The following ST8SIA4 variants were observed in gnomAD, a reference collection of about 807,000 sequenced individuals.
ST8SIA4 encodes the protein CMP-N-acetylneuraminate-poly-alpha-2,8-sialyltransferase.
ST8SIA4 carries 15 observed loss-of-function variants against 33.9 expected under a neutral mutation model. The ratio of observed to expected loss-of-function variants is 0.44; its 90% CI spans 0.30 to 0.68. ST8SIA4 has a LOEUF of 0.68. ST8SIA4 is among the 30% of genes least tolerant of loss of function. The pLI, the probability that ST8SIA4 is intolerant of heterozygous loss-of-function variation, is 0.10. For synonymous variants in ST8SIA4, 171 were observed against 151.2 expected (o/e 1.13, Z -0.96); for missense variants, 321 against 428.0 (o/e 0.75, Z 2.21).
At chr5:100,876,443 C>G (rs995419115) in intron 3 of ST8SIA4, among the ~76,000 whole-genome samples, 2 of 152,022 alleles carry the variant, frequency 1.3e-5, no homozygotes, top group African/African-American at 4.8e-5. Flanking sequence ...AATCATATGA[C>G]AAAATCTTAG....
At chr5:100,900,635 C>T (rs1365656475) in intron 1 of ST8SIA4, among the ~76,000 whole-genome samples, 1 of 152,108 alleles carries the variant, frequency 6.6e-6, no homozygotes, top group African/African-American at 2.4e-5. Context: ...GCAGTCAGGA[C>T]GCTACAGGGC....
At chr5:100,812,484 T>G (rs1022786356) in intron 4 of ST8SIA4, among the ~76,000 whole-genome samples, 15 of 152,178 alleles carry the variant, frequency 9.9e-5, no homozygotes, top group Non-Finnish European at 1.3e-4. Context: ...GAAGTCATGG[T>G]AATTGGGTAG....
intron 3 of ST8SIA4, among the ~76,000 whole-genome samples, chr5:100,868,739 CT>C (rs751139095): frequency 2.2e-4 from 34 of 152,180 alleles, no homozygotes; most frequent in Admixed American, 5.9e-4. Context: ...GAAACTGCCT[CT>C]TTTCCTCAGA....
chr5:100,891,099 G>T (rs1752650516), intron 2 of ST8SIA4, among the ~76,000 whole-genome samples: 1 of 151,868 alleles, frequency 6.6e-6, no homozygotes, highest in African/African-American at 2.4e-5. Flanking sequence ...TTCTCTGTGG[G>T]TTTCTTGGCA....
intron 3 of ST8SIA4, among the ~76,000 whole-genome samples, chr5:100,875,071 T>C (rs544138584): frequency 4.6e-5 from 7 of 152,280 alleles, no homozygotes; most frequent in African/African-American, 1.7e-4. Flanking sequence ...TAAAGAAGTG[T>C]TATGTAAGTT....
chr5:100,877,736 G>A (rs764111818), intron 3 of ST8SIA4, among the ~76,000 whole-genome samples: 8 of 152,250 alleles, frequency 5.3e-5, no homozygotes, highest in African/African-American at 9.6e-5. Context: ...ACACTTACAC[G>A]TGATTATGGA....
Position 100,811,919 on chromosome 5 carries a change from T to C in ST8SIA4, c.1008A>G (p.Glu336=), listed in dbSNP as rs778000605. Residue 336 remains glutamate (E), a synonymous_variant, in exon 5 of 5, where the codon GAA becomes GAG. Transcript: ENST00000231461. ...SNASPHRMPL[E]FKTLNVLHNR... ...TATGTAGCACATTTAATGTTTTGAATTCTAATGGCATTCTGTGAGGGCTTG... is the reference window on the plus strand; with the variant it reads ...TATGTAGCACATTTAATGTTTTGAACTCTAATGGCATTCTGTGAGGGCTTG... 6.2e-7 allele frequency: 1 copy of C among 1,614,152 alleles called. No homozygotes were observed. Among genetic ancestry groups the C allele is most frequent in the South Asian group, 1.1e-5 (1 of 91,086 alleles).
chr5:100,850,601 A>G lies in ST8SIA4; in HGVS notation c.797+5502T>C, dbSNP rs1240082522. On this transcript the variant is annotated intron_variant, in intron 4 of 4. Coordinates refer to ENST00000231461, the MANE Select transcript of ST8SIA4 (RefSeq NM_005668.6). ...TTAACATTTTTTCCCAGACTCAAAT[A>G]TCAACAGATCAAAAGCTTAATGTTT... is the stretch of plus-strand genomic sequence containing the variant. 2.6e-5 allele frequency among the ~76,000 whole-genome samples: 4 copies of G among 152,056 alleles called. 1 individual carries two copies. The highest frequency in any genetic ancestry group is 2.0e-4 in the Admixed American group (3 of 15,270).
chr5:100,869,523 A>T (rs977991707), intron 3 of ST8SIA4, among the ~76,000 whole-genome samples: 14 of 152,000 alleles, frequency 9.2e-5, no homozygotes, highest in African/African-American at 3.4e-4. Context: ...TATCTTCCTC[A>T]CTTAGGGTGC....
rs941474391 is a variant in ST8SIA4, at chr5:100,872,059, C to T, written c.503+14284G>A. Among the ~76,000 whole-genome samples the T allele has an allele frequency of 4.6e-5, 7 of 151,930 alleles. No homozygotes were observed. In the East Asian group the frequency reaches 5.8e-4, roughly 13 times the overall value. ...GTTTTAAAAATTCTGACAGCAGATA[C>T]GTGAATACAAACCAAAATTTTCTCA... is the stretch of plus-strand genomic sequence containing the variant. On this transcript the variant is annotated intron_variant, in intron 3 of 4. Transcript: ENST00000231461.
chr5:100,815,762 A>C (rs566864911), intron 4 of ST8SIA4, among the ~76,000 whole-genome samples: 1 of 152,186 alleles, frequency 6.6e-6, no homozygotes, highest in Admixed American at 6.5e-5. Context: ...GTCAGAAGAC[A>C]CAGCTTTGTA....
chr5:100,878,904 T>C (rs1752360007), intron 3 of ST8SIA4, among the ~76,000 whole-genome samples: 2 of 152,306 alleles, frequency 1.3e-5, no homozygotes, highest in South Asian at 4.2e-4. Context: ...TTATATTATG[T>C]GGTAGGCAGT....
chr5:100,856,364 G>T lies in ST8SIA4; in HGVS notation c.536C>A (p.Ala179Glu). ...CNLAPVVEFAADVGTKSDFIT... is the reference protein window; with the variant it reads ...CNLAPVVEFAEDVGTKSDFIT... ...AAAATCTGATTTAGTTCCCACATCT[G>T]CAGCAAACTCCACCACAGGAGCTAG... The change falls in exon 4 of 5, where the codon GCA becomes GAA. Residue 179 changes from alanine (A) to glutamate (E), a missense_variant. By Grantham distance (107) the Ala-to-Glu change is moderately radical. Transcript: ENST00000231461. The T allele has an allele frequency of 6.2e-7, 1 of 1,613,726 alleles. No homozygotes were observed. Among genetic ancestry groups the T allele is most frequent in the Non-Finnish European group, 8.5e-7 (1 of 1,179,838 alleles).
At chr5:100,825,992 G>A (rs1469719771) in intron 4 of ST8SIA4, among the ~76,000 whole-genome samples, 3 of 152,122 alleles carry the variant, frequency 2.0e-5, no homozygotes, top group Non-Finnish European at 4.4e-5. Context: ...TTGTCAAGGG[G>A]ATAGCTCATT....
chr5:100,820,125 C>T (rs1185352632), intron 4 of ST8SIA4, among the ~76,000 whole-genome samples: 2 of 152,140 alleles, frequency 1.3e-5, no homozygotes, highest in East Asian at 3.8e-4. Flanking sequence ...ACCCAGTTTA[C>T]CCACCAACAA....
intron 3 of ST8SIA4, among the ~76,000 whole-genome samples, chr5:100,873,969 T>G (rs1752253179): frequency 6.6e-6 from 1 of 152,142 alleles, no homozygotes; most frequent in African/African-American, 2.4e-5. Context: ...ACTTTAAGCA[T>G]TGCTTTGCAA....
intron 4 of ST8SIA4, among the ~76,000 whole-genome samples, chr5:100,818,892 T>C (rs1750984061): frequency 6.6e-6 from 1 of 152,218 alleles, no homozygotes; most frequent in Non-Finnish European, 1.5e-5. Flanking sequence ...AATAAGGCTT[T>C]GCTGTTAGCT....
In ST8SIA4 at chr5:100,903,010, T is replaced by TA; in HGVS notation, c.-56dup. ...CCAGCTCCCGCACCTTCTCTTGATA[T>TA]AAAGGCTCCGTTTTGGGGAGATAGT... On this transcript the variant is annotated 5_prime_UTR_variant, in exon 1 of 5. Transcript: ENST00000231461. The TA allele has an allele frequency of 7.7e-7, 1 of 1,295,940 alleles. No homozygotes were observed. The highest frequency in any genetic ancestry group is 2.3e-5 in the East Asian group (1 of 43,400). The allele number at this position is 1,295,940 out of a possible 1,614,324, so 80.3% of individuals were successfully genotyped here. A position where few individuals can be genotyped will look rare whatever the true frequency, so the allele number is the denominator to read the frequency against.
intron 4 of ST8SIA4, among the ~76,000 whole-genome samples, chr5:100,822,862 T>C (rs1270955825): frequency 6.6e-6 from 1 of 152,076 alleles, no homozygotes; most frequent in African/African-American, 2.4e-5. Context: ...CAGGCGAAAC[T>C]CACCAAAACC....
Sources: allele counts gnomAD v4.1 joint callset (sites outside exome capture counted in the v4.1 genomes callset), GRCh38; gene constraint gnomAD v4.1.1; transcripts MANE v1.5; gene names NCBI Gene and HGNC (gene_info 2026-07-23, HGNC 2026-07-21).